The following CEP57L1 variants were observed in gnomAD, a reference collection of about 807,000 sequenced individuals.
CEP57L1 encodes centrosomal protein CEP57L1.
CEP57L1 carries 37 observed loss-of-function variants against 61.0 expected under a neutral mutation model. The ratio of observed to expected loss-of-function variants is 0.61; its 90% CI spans 0.47 to 0.80. The LOEUF is 0.80. Ranked by LOEUF, CEP57L1 falls within the 30% of genes least tolerant of loss-of-function variation. CEP57L1 has a pLI of 0.00. For synonymous variants in CEP57L1, 137 were observed against 162.3 expected (o/e 0.84, Z 1.19); for missense variants, 422 against 524.7 (o/e 0.80, Z 1.91).
In CEP57L1 at chr6:109,150,206, A is replaced by G. The variant is rs762145051; in HGVS notation, c.429A>G (p.Val143=). ...ATACAAAGAGAATGGTTCTCAACGT[A>G]GAGCGAGAAAAGAACATGATCCTAG... ...LEYTKRMVLN[V]EREKNMILEQ... The change falls in exon 4 of 11, where the codon GTA becomes GTG. Residue 143 remains valine, a synonymous_variant. Coordinates refer to ENST00000517392, the MANE Select transcript of CEP57L1 (RefSeq NM_001271852.3). The G allele has an allele frequency of 1.9e-6, 3 of 1,606,290 alleles. No individual in the cohort carries two copies. Among genetic ancestry groups the G allele is most frequent in the East Asian group, 4.5e-5 (2 of 44,720 alleles).
At chr6:109,150,295 A>T in intron 4 of CEP57L1, 56 bp downstream of exon 4, 1 of 1,557,516 alleles carries the variant, frequency 6.4e-7, no homozygotes, top group Non-Finnish European at 8.8e-7. Flanking sequence ...TTTGAAGAAT[A>T]TTTTAATTTC....
rs868862624 is a variant in CEP57L1, at chr6:109,158,693, C to T, written c.745-332C>T. 5.6e-5 allele frequency: 27 copies of T among 479,950 alleles called. 4 individuals carry two copies. The Middle Eastern group carries it at 8.2e-3, about 146-fold the overall frequency. The allele number at this position is 479,950 out of a possible 1,614,324, so 29.7% of individuals were successfully genotyped here. A position where few individuals can be genotyped will look rare whatever the true frequency, so the allele number is the denominator to read the frequency against. ...CAAACTGTCTTCCAAAATGGCTGTA[C>T]CATTTTGTATTCCCACCAACAATAT... On this transcript the variant is annotated intron_variant, in intron 7 of 10. Coordinates refer to ENST00000517392, the MANE Select transcript of CEP57L1 (RefSeq NM_001271852.3).
chr6:109,126,624 C>G (rs1773583596), intron 1 of CEP57L1, among the ~76,000 whole-genome samples: 1 of 152,058 alleles, frequency 6.6e-6, no homozygotes, highest in Non-Finnish European at 1.5e-5. Context: ...GATGGGGAGT[C>G]TAATCATTTA....
chr6:109,159,640 A>G (rs956433932), intron 9 of CEP57L1, among the ~76,000 whole-genome samples, 178 bp downstream of exon 9: 1 of 152,110 alleles, frequency 6.6e-6, no homozygotes, highest in Non-Finnish European at 1.5e-5. Context: ...GAGAAGTACC[A>G]TATCACTTTT....
intron 1 of CEP57L1, among the ~76,000 whole-genome samples, chr6:109,121,939 C>T (rs1773024108): frequency 6.6e-6 from 1 of 152,124 alleles, no homozygotes; most frequent in African/African-American, 2.4e-5. Context: ...GCCAAAGATT[C>T]TGAGCATTCA....
At chr6:109,149,974 C>T (rs894283805) in intron 3 of CEP57L1, 144 bp from the exon 4 acceptor site, 1 of 399,378 alleles carries the variant, frequency 2.5e-6, no homozygotes, top group Non-Finnish European at 4.8e-6. Flanking sequence ...GATTTTGTAT[C>T]CTGAGACTTT....
At position 109,159,373 on chromosome 6, in the gene CEP57L1, T is replaced by G; in HGVS notation, c.927T>G (p.Ile309Met). ...PSRTTSWCKAIPPDSEKSISI... is the reference protein window; with the variant it reads ...PSRTTSWCKAMPPDSEKSISI... ...GAACAACTTCCTGGTGTAAAGCTATTCCTCCTGACTCAGAAAAGTCCATTT... is the reference window on the plus strand; with the variant it reads ...GAACAACTTCCTGGTGTAAAGCTATGCCTCCTGACTCAGAAAAGTCCATTT... The change falls in exon 9 of 11, where the codon ATT becomes ATG. Residue 309 changes from isoleucine to methionine, a missense_variant. By Grantham distance (10) the Ile-to-Met change is conservative. Transcript: ENST00000517392. 1 of 1,614,032 alleles carries G rather than the reference T, an allele frequency of 6.2e-7. No individual in the cohort carries two copies. The highest frequency in any genetic ancestry group is 8.5e-7 in the Non-Finnish European group (1 of 1,179,934).
Position 109,162,997 on chromosome 6 carries a change from G to C in CEP57L1, c.*27G>C, listed in dbSNP as rs1773859433. On this transcript the variant is annotated 3_prime_UTR_variant, in exon 11 of 11. Coordinates refer to ENST00000517392, the MANE Select transcript of CEP57L1 (RefSeq NM_001271852.3). ...AAAACAGCAAAACTGTCACCTTAAT[G>C]AACTTTGTCAGTGAGACCTTGAATT... 6.8e-7 allele frequency: 1 copy of C among 1,470,770 alleles called. No individual in the cohort carries two copies. Among genetic ancestry groups the C allele is most frequent in the Admixed American group, 1.7e-5 (1 of 58,982 alleles). 91.1% of individuals were successfully genotyped at this position (1,470,770 alleles called of 1,614,324 possible).
At chr6:109,104,160 A>T (rs935289262) in intron 1 of CEP57L1, among the ~76,000 whole-genome samples, 1 of 149,442 alleles carries the variant, frequency 6.7e-6, no homozygotes, top group Non-Finnish European at 1.5e-5. Flanking sequence ...ACTATCTGTA[A>T]CTTACTTTCT....
At chr6:109,139,769 T>C (rs548533377) in intron 1 of CEP57L1, among the ~76,000 whole-genome samples, 1 of 152,068 alleles carries the variant, frequency 6.6e-6, no homozygotes, top group African/African-American at 2.4e-5. Flanking sequence ...ATTACAGACG[T>C]GAGCCACCAT....
intron 3 of CEP57L1, among the ~76,000 whole-genome samples, chr6:109,147,169 A>C (rs76004902): frequency 6.6e-6 from 1 of 152,128 alleles, no homozygotes; most frequent in Non-Finnish European, 1.5e-5. Context: ...TAAAGGAAAA[A>C]TTAAGATTTT....
At chr6:109,138,982 T>C (rs1015885487) in intron 1 of CEP57L1, among the ~76,000 whole-genome samples, 4 of 152,342 alleles carry the variant, frequency 2.6e-5, no homozygotes, top group East Asian at 3.9e-4. Flanking sequence ...TCATGAACTT[T>C]TACCTTTTCA....
chr6:109,148,755 T>C lies in CEP57L1; in HGVS notation c.341-1363T>C, dbSNP rs570958454. On this transcript the variant is annotated intron_variant, in intron 3 of 10. Transcript: ENST00000517392. The stretch of plus-strand genomic sequence containing the variant: ...CACCAACAATGTAAAAGTGTTCCTA[T>C]TTCTCCACATCCTCTCCAGCACCTG... 7.9e-3 allele frequency among the ~76,000 whole-genome samples: 1,203 copies of C among 152,276 alleles called. 19 individuals carry two copies. Among genetic ancestry groups the C allele is most frequent in the African/African-American group, 0.028 (1,153 of 41,554 alleles).
At chr6:109,143,144 A>G (rs1771603526) in intron 1 of CEP57L1, among the ~76,000 whole-genome samples, 1 of 152,100 alleles carries the variant, frequency 6.6e-6, no homozygotes, top group African/African-American at 2.4e-5. Context: ...TTGGTGAAAC[A>G]TTTCTCAGTT....
intron 1 of CEP57L1, among the ~76,000 whole-genome samples, chr6:109,117,479 ACT>A (rs974552682): frequency 2.0e-5 from 3 of 152,212 alleles, no homozygotes; most frequent in African/African-American, 7.2e-5. Flanking sequence ...TGGGCCAACT[ACT>A]ATGACGAAAG....
intron 1 of CEP57L1, among the ~76,000 whole-genome samples, chr6:109,111,094 T>G (rs1279861837): frequency 6.6e-6 from 1 of 152,206 alleles, no homozygotes; most frequent in Non-Finnish European, 1.5e-5. Context: ...AGGATAGCAT[T>G]AAATCTATAA....
rs1774004882 is a variant in CEP57L1, at chr6:109,165,059, A to G, written c.*2089A>G. 6.6e-6 allele frequency among the ~76,000 whole-genome samples: 1 copy of G among 151,096 alleles called. No individual in the cohort carries two copies. The highest frequency in any genetic ancestry group is 2.4e-5 in the African/African-American group (1 of 40,940). The stretch of plus-strand genomic sequence containing the variant: ...CACCACTGTACTCCAGCCTGGTGAC[A>G]CAGCAAGACTCTGTCTCAAAAAAAA... On this transcript the variant is annotated 3_prime_UTR_variant, in exon 11 of 11. Coordinates refer to ENST00000517392, the MANE Select transcript of CEP57L1 (RefSeq NM_001271852.3).
intron 7 of CEP57L1, 182 bp from the exon 8 acceptor site, chr6:109,158,843 A>C (rs1773459580): frequency 9.7e-6 from 6 of 619,718 alleles, no homozygotes; most frequent in Non-Finnish European, 1.7e-5. Context: ...TTCCATAATT[A>C]ATGATGTTGA....
chr6:109,108,182 A>T (rs1450441972), intron 1 of CEP57L1, among the ~76,000 whole-genome samples: 1 of 151,996 alleles, frequency 6.6e-6, no homozygotes, highest in Non-Finnish European at 1.5e-5. Flanking sequence ...AGTGTTCTGG[A>T]GGAGTCTCTG....
Sources: allele counts gnomAD v4.1 joint callset (sites outside exome capture counted in the v4.1 genomes callset), GRCh38; gene constraint gnomAD v4.1.1; transcripts MANE v1.5; gene names NCBI Gene and HGNC (gene_info 2026-07-23, HGNC 2026-07-21).